The following DIP2C variants were observed in gnomAD, a reference collection of about 807,000 sequenced individuals.
DIP2C encodes the protein DIP2 acetate--CoA ligase C (putative).
DIP2C carries 33 observed loss-of-function variants against 192.4 expected under a neutral mutation model. That is an observed-to-expected ratio of 0.17 (90% confidence interval 0.13 to 0.23). The LOEUF (loss-of-function observed/expected upper bound fraction) is 0.23, where lower values mean the gene tolerates loss of function less well. Ranked by LOEUF, DIP2C falls within the 10% of genes least tolerant of loss-of-function variation. DIP2C has a pLI of 1.00. For synonymous variants in DIP2C, 979 were observed against 864.1 expected, an observed-to-expected ratio of 1.13 and a Z score of -2.33; for missense variants, 1,537 against 2,110.1, an observed-to-expected ratio of 0.73 and a Z score of 5.32.
chr10:307,745 T>A (rs1956388252), intron 32 of DIP2C, among the ~76,000 whole-genome samples: 1 of 152,078 alleles, frequency 6.6e-6, no homozygotes, highest in African/African-American at 2.4e-5. Context: ...GGCAGCGTGG[T>A]GTCCCACCCG....
At chr10:541,877 C>T (rs1278971040) in intron 1 of DIP2C, among the ~76,000 whole-genome samples, 2 of 152,182 alleles carry the variant, frequency 1.3e-5, no homozygotes, top group Non-Finnish European at 2.9e-5. Context: ...TCTCTCGGCC[C>T]CCCTCACCTC....
intron 29 of DIP2C, among the ~76,000 whole-genome samples, chr10:336,501 C>T (rs951987979): frequency 2.0e-5 from 3 of 152,130 alleles, no homozygotes; most frequent in African/African-American, 7.2e-5. Context: ...GAGATGAAGC[C>T]TACTTGGGCA....
chr10:463,607 C>A (rs988276183), intron 3 of DIP2C, among the ~76,000 whole-genome samples: 1 of 152,158 alleles, frequency 6.6e-6, no homozygotes, highest in African/African-American at 2.4e-5. Context: ...CATCGAGCTA[C>A]CATTGACTTT....
intron 1 of DIP2C, among the ~76,000 whole-genome samples, chr10:538,655 T>C (rs2130890998): frequency 6.6e-6 from 1 of 152,318 alleles, no homozygotes; most frequent in Admixed American, 6.5e-5. Context: ...TGTTGTTCTC[T>C]AGCCAAACTT....
intron 3 of DIP2C, among the ~76,000 whole-genome samples, chr10:444,811 A>C (rs1564720056): frequency 6.6e-6 from 1 of 152,238 alleles, no homozygotes; most frequent in Non-Finnish European, 1.5e-5. Context: ...AATATATCAT[A>C]ATTTGCTCAT....
At chr10:660,361 G>C (rs1856679858) in intron 1 of DIP2C, among the ~76,000 whole-genome samples, 1 of 149,470 alleles carries the variant, frequency 6.7e-6, no homozygotes. Flanking sequence ...CCTTGTCCCT[G>C]TTTCAAGTTC....
intron 1 of DIP2C, among the ~76,000 whole-genome samples, chr10:602,724 T>A (rs1333704792): frequency 1.3e-5 from 2 of 152,178 alleles, no homozygotes; most frequent in Admixed American, 1.3e-4. Flanking sequence ...GCCAGAGGCC[T>A]CCCGTGAGCC....
At chr10:536,014 C>T (rs1416762898) in intron 1 of DIP2C, among the ~76,000 whole-genome samples, 3 of 152,202 alleles carry the variant, frequency 2.0e-5, no homozygotes, top group African/African-American at 7.2e-5. Flanking sequence ...CGTCAGCTCC[C>T]CTGGGTTTCC....
chr10:383,058 CAG>C (rs1256873854), intron 16 of DIP2C, among the ~76,000 whole-genome samples: 10 of 152,290 alleles, frequency 6.6e-5, no homozygotes, highest in Admixed American at 4.6e-4. Context: ...AGTTCCAAGA[CAG>C]GGGTAAATCT....
chr10:587,790 C>A (rs1354007320), intron 1 of DIP2C, among the ~76,000 whole-genome samples: 1 of 119,572 alleles, frequency 8.4e-6, no homozygotes, highest in Non-Finnish European at 1.7e-5. Context: ...CCACACCAGG[C>A]GCTGCCTCAG....
intron 1 of DIP2C, among the ~76,000 whole-genome samples, chr10:577,486 C>T (rs1044728729): frequency 6.6e-6 from 1 of 152,194 alleles, no homozygotes; most frequent in Non-Finnish European, 1.5e-5. Flanking sequence ...GTGGTAAGAG[C>T]TTCGCGAGTC....
chr10:314,277 T>C (rs904816092), intron 31 of DIP2C, among the ~76,000 whole-genome samples: 3 of 152,352 alleles, frequency 2.0e-5, no homozygotes, highest in South Asian at 4.1e-4. Context: ...GTCCCTGCCT[T>C]AAGCCCTGTA....
intron 29 of DIP2C, among the ~76,000 whole-genome samples, chr10:329,945 G>C (rs544265448): frequency 6.6e-6 from 1 of 151,502 alleles, no homozygotes; most frequent in East Asian, 1.9e-4. Context: ...ATCAAATTTC[G>C]GTTTAAAAAA....
At chr10:472,056 T>C (rs991394409) in intron 3 of DIP2C, among the ~76,000 whole-genome samples, 2 of 152,230 alleles carry the variant, frequency 1.3e-5, no homozygotes, top group Non-Finnish European at 2.9e-5. Context: ...TAACAATGTA[T>C]GGTTTTCATT....
intron 5 of DIP2C, 92 bp from the exon 6 acceptor site, chr10:419,291 A>T (rs1365110947): frequency 7.6e-6 from 12 of 1,570,748 alleles, no homozygotes; most frequent in Non-Finnish European, 1.0e-5. Flanking sequence ...ACTGAAGCAC[A>T]GGTGCTCACC....
At chr10:445,551 T>C (rs952146031) in intron 3 of DIP2C, among the ~76,000 whole-genome samples, 2 of 150,502 alleles carry the variant, frequency 1.3e-5, no homozygotes, top group Non-Finnish European at 1.5e-5. Flanking sequence ...AGTCTCACAG[T>C]CCACTGGGCA....
chr10:503,228 T>G (rs1328564783), intron 1 of DIP2C, among the ~76,000 whole-genome samples: 1 of 152,136 alleles, frequency 6.6e-6, no homozygotes, highest in Non-Finnish European at 1.5e-5. Flanking sequence ...GACACCGACC[T>G]GCGGACTTAT....
chr10:589,988 G>A (rs1386554496), intron 1 of DIP2C, among the ~76,000 whole-genome samples: 1 of 152,266 alleles, frequency 6.6e-6, no homozygotes, highest in Non-Finnish European at 1.5e-5. Flanking sequence ...TCTGACGGTT[G>A]ACTAGAAGAG....
intron 3 of DIP2C, among the ~76,000 whole-genome samples, chr10:471,575 T>C (rs539863008): frequency 2.0e-5 from 3 of 152,136 alleles, no homozygotes; most frequent in Admixed American, 1.3e-4. Flanking sequence ...GTGAAGGGCA[T>C]TTGCAAAACA....
Sources: allele counts gnomAD v4.1 joint callset (sites outside exome capture counted in the v4.1 genomes callset), GRCh38; gene constraint gnomAD v4.1.1; transcripts MANE v1.5; gene names NCBI Gene and HGNC (gene_info 2026-07-23, HGNC 2026-07-21).